The following UBE2U variants were observed in gnomAD, a reference collection of about 807,000 sequenced individuals.
The protein encoded by UBE2U is ubiquitin conjugating enzyme E2 U.
In UBE2U, 39 loss-of-function variants were observed where a neutral mutation model predicts 41.2. That is an observed-to-expected ratio of 0.95 (90% confidence interval 0.73 to 1.24). The LOEUF is 1.24. UBE2U is among the 50% of genes most tolerant of loss of function. UBE2U has a pLI of 0.00. For missense variants in UBE2U, 336 were observed against 363.1 expected, an observed-to-expected ratio of 0.93 and a Z score of 0.61; for synonymous variants, 107 against 117.8, an observed-to-expected ratio of 0.91 and a Z score of 0.60.
chr1:64,213,146 T>G (rs1193378339), intron 4 of UBE2U, among the ~76,000 whole-genome samples: 1 of 152,180 alleles, frequency 6.6e-6, no homozygotes, highest in African/African-American at 2.4e-5. Context: ...CTAGTTCTGT[T>G]GCATATCTAA....
At position 64,203,992 on chromosome 1, in the gene UBE2U, C is replaced by T; in HGVS notation, c.-59C>T. 2.0e-6 allele frequency: 3 copies of T among 1,513,858 alleles called. No individual in the cohort carries two copies. The highest frequency in any genetic ancestry group is 2.7e-6 in the Non-Finnish European group (3 of 1,099,574). 93.8% of individuals were successfully genotyped at this position (1,513,858 alleles called of 1,614,324 possible). A position where few individuals can be genotyped will look rare whatever the true frequency, so the allele number is the denominator to read the frequency against. On this transcript the variant is annotated 5_prime_UTR_variant, in exon 1 of 10. Transcript: ENST00000371077. ...GAAAGTGACCCATAACTTCAAACAT[C>T]TGCCTCAGAGTAAACCTGAGGCATT...
At chr1:64,229,274 G>T (rs1232480574) in intron 6 of UBE2U, among the ~76,000 whole-genome samples, 1 of 152,104 alleles carries the variant, frequency 6.6e-6, no homozygotes, top group Non-Finnish European at 1.5e-5. Context: ...TCAAGCAGAG[G>T]TATGATAACC....
intron 7 of UBE2U, among the ~76,000 whole-genome samples, chr1:64,240,665 T>G (rs955755339): frequency 1.3e-5 from 2 of 152,258 alleles, no homozygotes; most frequent in Non-Finnish European, 2.9e-5. Flanking sequence ...AAGTGCTGAA[T>G]TAGAATTTTG....
In UBE2U at chr1:64,203,925, G is replaced by A; in HGVS notation, c.-126G>A. On this transcript the variant is annotated 5_prime_UTR_variant, in exon 1 of 10. Transcript: ENST00000371077. ...CCGCTTATCTTGGTACCGTTCTGAGGTTCTAGAAAGCAAGTAACTTATATC... is the reference window on the plus strand; with the variant it reads ...CCGCTTATCTTGGTACCGTTCTGAGATTCTAGAAAGCAAGTAACTTATATC... 1.4e-6 allele frequency: 1 copy of A among 721,044 alleles called. No individual in the cohort carries two copies. The highest frequency in any genetic ancestry group is 2.2e-6 in the Non-Finnish European group (1 of 450,994). 44.7% of individuals were successfully genotyped at this position (721,044 alleles called of 1,614,324 possible).
At chr1:64,204,760 C>T (rs367585981) in intron 1 of UBE2U, among the ~76,000 whole-genome samples, 21 of 152,276 alleles carry the variant, frequency 1.4e-4, no homozygotes, top group African/African-American at 4.8e-4. Flanking sequence ...AGAGAAAGAA[C>T]AGAAAGAAAG....
chr1:64,252,790 C>A (rs1645032436), intron 8 of UBE2U, among the ~76,000 whole-genome samples: 1 of 152,120 alleles, frequency 6.6e-6, no homozygotes, highest in African/African-American at 2.4e-5. Context: ...GGTAGATGAG[C>A]CCATAAAGAT....
intron 8 of UBE2U, among the ~76,000 whole-genome samples, chr1:64,251,723 C>G (rs554141504): frequency 6.6e-6 from 1 of 152,278 alleles, no homozygotes; most frequent in East Asian, 1.9e-4. Context: ...TCAGGAGATC[C>G]CCTCATGAGC....
At chr1:64,216,899 T>C (rs1377867565) in intron 5 of UBE2U, among the ~76,000 whole-genome samples, 3 of 152,170 alleles carry the variant, frequency 2.0e-5, no homozygotes, top group Non-Finnish European at 4.4e-5. Context: ...TTTTCCTTTC[T>C]TAGAGGACTC....
At chr1:64,251,298 G>A (rs962583922) in intron 8 of UBE2U, among the ~76,000 whole-genome samples, 14 of 151,804 alleles carry the variant, frequency 9.2e-5, no homozygotes, top group Admixed American at 3.3e-4. Context: ...ATAAATAATT[G>A]TAAATAATTA....
At chr1:64,231,775 A>G (rs558774350) in intron 6 of UBE2U, among the ~76,000 whole-genome samples, 57 of 152,336 alleles carry the variant, frequency 3.7e-4, no homozygotes, top group Middle Eastern at 6.8e-3. Flanking sequence ...AAGAACTTCA[A>G]TTGGAAAACA....
intron 8 of UBE2U, among the ~76,000 whole-genome samples, chr1:64,249,239 G>T (rs1053027793): frequency 6.6e-6 from 1 of 151,790 alleles, no homozygotes; most frequent in Non-Finnish European, 1.5e-5. Context: ...TTAGCCAGGC[G>T]CAGTGGTGGG....
At chr1:64,252,135 G>C (rs1356823065) in intron 8 of UBE2U, among the ~76,000 whole-genome samples, 1 of 152,130 alleles carries the variant, frequency 6.6e-6, no homozygotes, top group Non-Finnish European at 1.5e-5. Flanking sequence ...TGCTTTGCCA[G>C]ACTGTGCCCA....
At chr1:64,239,091 A>C in intron 7 of UBE2U, among the ~76,000 whole-genome samples, 1 of 43,998 alleles carries the variant, frequency 2.3e-5, no homozygotes, top group Admixed American at 3.3e-4. Context: ...GAAGAGGAAG[A>C]GGAAGAAGAA....
chr1:64,260,581 A>C, intron 8 of UBE2U, 22 bp from the exon 9 acceptor site: 1 of 1,527,516 alleles, frequency 6.5e-7, no homozygotes, highest in East Asian at 2.5e-5. Flanking sequence ...TTGGGAATTT[A>C]GTTTTCTTTT....
intron 4 of UBE2U, among the ~76,000 whole-genome samples, chr1:64,211,235 C>T (rs1460640641): frequency 6.6e-6 from 1 of 152,122 alleles, no homozygotes; most frequent in Non-Finnish European, 1.5e-5. Flanking sequence ...CGAATGACTA[C>T]AACTTAAAAT....
chr1:64,221,810 A>G (rs1262863240), intron 6 of UBE2U, among the ~76,000 whole-genome samples: 1 of 152,106 alleles, frequency 6.6e-6, no homozygotes, highest in Admixed American at 6.5e-5. Flanking sequence ...CTTATGGCCG[A>G]GAGCAGTGGC....
chr1:64,264,273 C>A (rs137903706), intron 9 of UBE2U, among the ~76,000 whole-genome samples: 1 of 152,216 alleles, frequency 6.6e-6, no homozygotes, highest in African/African-American at 2.4e-5. Context: ...TGATCCAACC[C>A]AAGAAAGGCA....
At chr1:64,264,753 G>A (rs1645229777) in intron 9 of UBE2U, among the ~76,000 whole-genome samples, 1 of 152,080 alleles carries the variant, frequency 6.6e-6, no homozygotes, top group Non-Finnish European at 1.5e-5. Flanking sequence ...AGGAGTTTGA[G>A]ACCAGCCTGG....
chr1:64,236,924 G>A (rs558767471), intron 7 of UBE2U, among the ~76,000 whole-genome samples: 1 of 152,254 alleles, frequency 6.6e-6, no homozygotes, highest in Admixed American at 6.5e-5. Flanking sequence ...AATTACATCA[G>A]GATCTCTGGG....
Sources: gnomAD v4.1 joint callset for allele counts (sites outside exome capture counted in the v4.1 genomes callset) on GRCh38, gnomAD v4.1.1 for gene constraint, MANE v1.5 for transcripts, NCBI Gene and HGNC (gene_info 2026-07-23, HGNC 2026-07-21) for gene names.